The following HTR2C variants were observed in gnomAD, a reference collection of about 807,000 sequenced individuals.
The protein encoded by HTR2C is 5-hydroxytryptamine receptor 2C.
Under a neutral mutation model 21.0 loss-of-function variants are expected in HTR2C, and 5 were observed. The observed-to-expected ratio is 0.24, with a 90% CI of 0.12 to 0.50. The LOEUF is 0.50. HTR2C is among the 20% of genes least tolerant of loss of function. The pLI, the probability that HTR2C is intolerant of heterozygous loss-of-function variation, is 0.98. For synonymous variants in HTR2C, 150 were observed against 145.3 expected (o/e 1.03, Z -0.23); for missense variants, 271 against 371.2 (o/e 0.73, Z 2.22).
At chrX:114,624,139 G>A (rs967316839) in intron 2 of HTR2C, among the ~76,000 whole-genome samples, 3 of 108,861 alleles carry the variant, frequency 2.8e-5, no homozygotes, top group South Asian at 7.9e-4. Context: ...CATGTGATCC[G>A]CCCGCCTCAG....
Position 114,775,323 on chromosome X carries a change from G to A in HTR2C, c.349+43716G>A. The A allele has an allele frequency of 9.4e-6, 5 of 531,367 alleles. No individual in the cohort carries two copies. The South Asian group carries it at 1.1e-4, about 12-fold the overall frequency. The allele number at this position is 531,367 out of a possible 1,213,427, so 43.8% of individuals were successfully genotyped here. On this transcript the variant is annotated intron_variant, in intron 4 of 5. Transcript: ENST00000276198. The stretch of plus-strand genomic sequence containing the variant: ...AGCAGAGACATTGAGGATGCCATTG[G>A]CATCAATGTCAAAAGTGACTTCAAT...
chrX:114,672,749 A>G (rs149544085), intron 2 of HTR2C, among the ~76,000 whole-genome samples: 2,012 of 112,357 alleles, frequency 0.018, 53 homozygotes, highest in African/African-American at 0.062. Flanking sequence ...AGTTTCAAAT[A>G]TAACTTTGGA....
At chrX:114,739,357 T>C (rs1408652827) in intron 4 of HTR2C, among the ~76,000 whole-genome samples, 1 of 111,732 alleles carries the variant, frequency 8.9e-6, no homozygotes, top group African/African-American at 3.2e-5. Flanking sequence ...CATCTCTTTT[T>C]CCAGTGTATC....
intron 5 of HTR2C, among the ~76,000 whole-genome samples, chrX:114,887,748 G>A (rs980221792): frequency 6.3e-5 from 7 of 110,788 alleles, no homozygotes; most frequent in South Asian, 7.8e-4. Flanking sequence ...TTGGCCGGGC[G>A]CGGTGCCTCA....
rs145218149 is a variant in HTR2C, at chrX:114,614,499, A to T, written c.-80+618A>T. The stretch of plus-strand genomic sequence containing the variant: ...GGTCTCGAACTCCTGACCTCAGGTG[A>T]TCCGCCCACCTCGACCTCCCAAAGT... On this transcript the variant is annotated intron_variant, in intron 2 of 5. Transcript: ENST00000276198. 9.9e-4 allele frequency among the ~76,000 whole-genome samples: 110 copies of T among 110,819 alleles called. 1 individual carries two copies. The East Asian group carries it at 0.015, about 15-fold the overall frequency.
intron 4 of HTR2C, among the ~76,000 whole-genome samples, chrX:114,785,441 C>A (rs1347227650): frequency 9.0e-6 from 1 of 111,672 alleles, no homozygotes; most frequent in African/African-American, 3.3e-5. Flanking sequence ...ATTATTACCA[C>A]ATTAGGTTTA....
chrX:114,905,977 C>T (rs1404533178), intron 5 of HTR2C, among the ~76,000 whole-genome samples: 1 of 111,477 alleles, frequency 9.0e-6, no homozygotes, highest in Non-Finnish European at 1.9e-5. Context: ...AAACATTGCT[C>T]ATGCCCAGAG....
chrX:114,757,780 A>T (rs1360865868), intron 4 of HTR2C, among the ~76,000 whole-genome samples: 8 of 112,147 alleles, frequency 7.1e-5, no homozygotes, highest in African/African-American at 2.6e-4. Flanking sequence ...ATTTGCAATC[A>T]TCATTTTATT....
chrX:114,734,803 A>T lies in HTR2C; in HGVS notation c.349+3196A>T, dbSNP rs180963168. ...TGGTTATACAAATATATATATATAA[A>T]TTTGAAGAGCTATAAATTCTAGTAT... On this transcript the variant is annotated intron_variant, in intron 4 of 5. Coordinates refer to ENST00000276198, the MANE Select transcript of HTR2C (RefSeq NM_000868.4). 4.7e-3 allele frequency among the ~76,000 whole-genome samples: 514 copies of T among 110,389 alleles called. 4 individuals are homozygous for T. Among genetic ancestry groups the T allele is most frequent in the African/African-American group, 0.016 (483 of 30,340 alleles).
intron 2 of HTR2C, among the ~76,000 whole-genome samples, chrX:114,710,699 C>T (rs1295148475): frequency 1.8e-5 from 2 of 111,598 alleles, no homozygotes; most frequent in African/African-American, 6.5e-5. Context: ...AGGAATGACT[C>T]AACTGAGAGG....
At chrX:114,749,132 A>AG (rs1403922880) in intron 4 of HTR2C, among the ~76,000 whole-genome samples, 1 of 109,508 alleles carries the variant, frequency 9.1e-6, no homozygotes, top group Non-Finnish European at 1.9e-5. Context: ...ATGTCAAAAA[A>AG]AAACCACACA....
intron 4 of HTR2C, among the ~76,000 whole-genome samples, chrX:114,737,925 A>G (rs1161321531): frequency 8.9e-6 from 1 of 112,489 alleles, no homozygotes; most frequent in Non-Finnish European, 1.9e-5. Context: ...GTTTATATGA[A>G]GTGAGAATAA....
intron 2 of HTR2C, among the ~76,000 whole-genome samples, chrX:114,640,200 A>G (rs1296943201): frequency 1.8e-5 from 2 of 111,754 alleles, no homozygotes; most frequent in Non-Finnish European, 3.8e-5. Flanking sequence ...TGGAAGTAGT[A>G]TTTTCTTCAA....
At chrX:114,840,468 C>T (rs909285446) in intron 4 of HTR2C, among the ~76,000 whole-genome samples, 3 of 110,216 alleles carry the variant, frequency 2.7e-5, no homozygotes, top group Non-Finnish European at 5.7e-5. Context: ...AGAAATCGTC[C>T]GAAATTAAGA....
At chrX:114,822,919 G>A (rs1266404456) in intron 4 of HTR2C, among the ~76,000 whole-genome samples, 2 of 111,480 alleles carry the variant, frequency 1.8e-5, no homozygotes, top group Admixed American at 9.6e-5. Context: ...TCTTTATTTT[G>A]TAATGTGGTG....
chrX:114,697,929 G>A (rs1163773033), intron 2 of HTR2C, among the ~76,000 whole-genome samples: 1 of 112,023 alleles, frequency 8.9e-6, no homozygotes, highest in Non-Finnish European at 1.9e-5. Context: ...TGAAGTCTAG[G>A]TGCCAGCTGG....
intron 2 of HTR2C, among the ~76,000 whole-genome samples, chrX:114,633,777 A>C (rs6655331): frequency 0.05 from 5,470 of 108,916 alleles, 232 homozygotes; most frequent in African/African-American, 0.14. Flanking sequence ...CTCTCTCTCT[A>C]TATATATATA....
chrX:114,786,889 T>TTTTTG (rs782017631), intron 4 of HTR2C, among the ~76,000 whole-genome samples: 3 of 111,214 alleles, frequency 2.7e-5, no homozygotes, highest in Admixed American at 1.9e-4. Context: ...TTTTGGGTGT[T>TTTTTG]TTTTGTTTTG....
rs186188697 is a variant in HTR2C, at chrX:114,706,681, A to G, written c.-79-20177A>G. ...CATATGTAACTAACCTACACATTGT[A>G]CACATGTACCCTAAAACTTAAAGTA... On this transcript the variant is annotated intron_variant, in intron 2 of 5. Transcript: ENST00000276198. Among the ~76,000 whole-genome samples the G allele has an allele frequency of 5.4e-3, 586 of 107,924 alleles. 5 individuals are homozygous for G. Among genetic ancestry groups the G allele is most frequent in the African/African-American group, 0.013 (377 of 29,839 alleles). 93.7% of individuals were successfully genotyped at this position (107,924 alleles called of 115,157 possible). A position where few individuals can be genotyped will look rare whatever the true frequency, so the allele number is the denominator to read the frequency against.
Sources: allele counts gnomAD v4.1 joint callset (sites outside exome capture counted in the v4.1 genomes callset), GRCh38; gene constraint gnomAD v4.1.1; transcripts MANE v1.5; gene names NCBI Gene and HGNC (gene_info 2026-07-23, HGNC 2026-07-21).